The following ALCAM variants were observed in gnomAD, a reference collection of about 807,000 sequenced individuals.
ALCAM encodes activated leukocyte cell adhesion molecule, also known as CD166 antigen.
In ALCAM, 30 loss-of-function variants were observed where a neutral mutation model predicts 70.9. The ratio of observed to expected loss-of-function variants is 0.42; its 90% confidence interval spans 0.32 to 0.57. The LOEUF (loss-of-function observed/expected upper bound fraction) is 0.57, where lower values mean the gene tolerates loss of function less well. Ranked by LOEUF, ALCAM falls within the 20% of genes least tolerant of loss-of-function variation. The pLI, the probability that ALCAM is intolerant of heterozygous loss-of-function variation, is 0.11. For synonymous variants in ALCAM, 249 were observed against 242.5 expected, an observed-to-expected ratio of 1.03 and a Z score of -0.25; for missense variants, 591 against 695.1, an observed-to-expected ratio of 0.85 and a Z score of 1.68.
At chr3:105,521,379 A>G (rs1939540816) in intron 2 of ALCAM, among the ~76,000 whole-genome samples, 1 of 151,930 alleles carries the variant, frequency 6.6e-6, no homozygotes, top group South Asian at 2.1e-4. Flanking sequence ...AAATGCATTA[A>G]GAATTGTCTG....
rs188017918 is a variant in ALCAM, at chr3:105,404,253, G to A, written c.73+36772G>A. Among the ~76,000 whole-genome samples the A allele has an allele frequency of 3.3e-5, 5 of 152,112 alleles. No homozygotes were observed. The East Asian group carries it at 5.8e-4, about 18-fold the overall frequency. ...AGCTCAAAGAACACCTGGGAAATTC[G>A]TTGCAAAAAGATCATTGACTAGGCA... On this transcript the variant is annotated intron_variant, in intron 1 of 15. Transcript: ENST00000306107.
intron 1 of ALCAM, among the ~76,000 whole-genome samples, chr3:105,504,569 G>GC (rs913449961): frequency 5.5e-5 from 8 of 144,406 alleles, no homozygotes; most frequent in African/African-American, 2.0e-4. Context: ...GTTTCTGCAA[G>GC]CCCACGGCCT....
At position 105,540,195 on chromosome 3, in the gene ALCAM, T is replaced by G. The variant is rs962270653; in HGVS notation, c.858+93T>G. 6.6e-4 allele frequency: 866 copies of G among 1,316,182 alleles called. 13 individuals are homozygous for G. Among genetic ancestry groups the G allele is most frequent in the Non-Finnish European group, 6.8e-5 (66 of 974,306 alleles). The allele number at this position is 1,316,182 out of a possible 1,614,324, so 81.5% of individuals were successfully genotyped here. A position where few individuals can be genotyped will look rare whatever the true frequency, so the allele number is the denominator to read the frequency against. Reference sequence around the variant, plus strand: ...TAGATTAAGTGAGAAAAAATGTTATTGCTGGAGACAAGAGACGCCACCTAT... The same window carrying G: ...TAGATTAAGTGAGAAAAAATGTTATGGCTGGAGACAAGAGACGCCACCTAT... On this transcript the variant is annotated intron_variant, in intron 7 of 15. Coordinates refer to ENST00000306107, the MANE Select transcript of ALCAM (RefSeq NM_001627.4).
chr3:105,494,737 A>T (rs1260875965), intron 1 of ALCAM, among the ~76,000 whole-genome samples: 2 of 151,222 alleles, frequency 1.3e-5, no homozygotes, highest in Non-Finnish European at 2.9e-5. Flanking sequence ...ATAGCCTACG[A>T]CAGCTTTGAA....
intron 4 of ALCAM, 35 bp from the exon 5 acceptor site, chr3:105,533,568 A>G: frequency 6.3e-7 from 1 of 1,581,180 alleles, no homozygotes; most frequent in Non-Finnish European, 8.7e-7. Flanking sequence ...CCCCTGATTG[A>G]ACCAAGGTAA....
At chr3:105,371,864 AAACT>A (rs1935244333) in intron 1 of ALCAM, among the ~76,000 whole-genome samples, 1 of 152,152 alleles carries the variant, frequency 6.6e-6, no homozygotes, top group African/African-American at 2.4e-5. Context: ...GTATACATAG[AAACT>A]TAAATGCAAT....
At chr3:105,511,024 A>G (rs1219310168) in intron 1 of ALCAM, among the ~76,000 whole-genome samples, 1 of 152,030 alleles carries the variant, frequency 6.6e-6, no homozygotes, top group Non-Finnish European at 1.5e-5. Context: ...ACAGCTTCCT[A>G]TATTTCTCAT....
intron 1 of ALCAM, among the ~76,000 whole-genome samples, chr3:105,431,703 G>A (rs747643587): frequency 8.6e-5 from 13 of 151,996 alleles, no homozygotes; most frequent in Non-Finnish European, 1.8e-4. Context: ...ACTATACAAA[G>A]GAACGAGTCT....
chr3:105,471,730 A>C (rs1387492206), intron 1 of ALCAM, among the ~76,000 whole-genome samples: 1 of 151,294 alleles, frequency 6.6e-6, no homozygotes, highest in Non-Finnish European at 1.5e-5. Flanking sequence ...GTATATATGC[A>C]TTGTGAAATG....
chr3:105,544,133 T>A (rs1484005366), intron 8 of ALCAM, among the ~76,000 whole-genome samples: 1 of 151,590 alleles, frequency 6.6e-6, no homozygotes, highest in East Asian at 1.9e-4. Context: ...AAGACACAAC[T>A]CCTAGTGTGG....
rs1251834022 is a variant in ALCAM, at chr3:105,576,002, T to C, written c.*1551T>C. On this transcript the variant is annotated 3_prime_UTR_variant, in exon 16 of 16. Transcript: ENST00000306107. ...ATTTAGAAACATACGTTATTGTACA[T>C]TTGTAAACCATTTACTGTCTGGGCA... The C allele has an allele frequency of 5.9e-5, 9 of 152,210 alleles. No individual in the cohort carries two copies. The highest frequency in any genetic ancestry group is 1.3e-4 in the Admixed American group (2 of 15,268). 9.4% of individuals were successfully genotyped at this position (152,210 alleles called of 1,614,324 possible).
At chr3:105,495,017 G>A (rs73189046) in intron 1 of ALCAM, among the ~76,000 whole-genome samples, 11,531 of 151,892 alleles carry the variant, frequency 0.076, 610 homozygotes, top group Non-Finnish European at 0.12. Flanking sequence ...TATTCTTATC[G>A]CAACTCCCAG....
chr3:105,534,935 C>G (rs1168539961), intron 6 of ALCAM, 90 bp downstream of exon 6: 4 of 1,264,702 alleles, frequency 3.2e-6, no homozygotes, highest in Non-Finnish European at 4.3e-6. Context: ...TCCAATTACT[C>G]TTTGAATTCT....
chr3:105,477,048 T>A (rs1180278298), intron 1 of ALCAM, among the ~76,000 whole-genome samples: 1 of 152,050 alleles, frequency 6.6e-6, no homozygotes, highest in Non-Finnish European at 1.5e-5. Context: ...AAGAAGTGCC[T>A]TTTGCCTCCC....
chr3:105,428,468 T>A (rs1190271455), intron 1 of ALCAM, among the ~76,000 whole-genome samples: 1 of 151,902 alleles, frequency 6.6e-6, no homozygotes, highest in Non-Finnish European at 1.5e-5. Context: ...CCGTATTTTT[T>A]AAATATATAA....
intron 1 of ALCAM, among the ~76,000 whole-genome samples, chr3:105,426,492 T>TTTATAATG (rs1399970979): frequency 6.6e-6 from 1 of 151,944 alleles, no homozygotes; most frequent in Non-Finnish European, 1.5e-5. Context: ...TTATAGTTTC[T>TTTATAATG]TTATGATGAG....
chr3:105,411,997 G>A (rs963317349), intron 1 of ALCAM, among the ~76,000 whole-genome samples: 1 of 151,996 alleles, frequency 6.6e-6, no homozygotes, highest in African/African-American at 2.4e-5. Context: ...ATCTCATACT[G>A]ATAAGGGCAT....
intron 1 of ALCAM, among the ~76,000 whole-genome samples, chr3:105,464,328 A>G (rs1275276760): frequency 1.3e-5 from 2 of 151,090 alleles, no homozygotes; most frequent in East Asian, 1.9e-4. Context: ...TAAAATTTCT[A>G]TATACAAAGA....
intron 1 of ALCAM, among the ~76,000 whole-genome samples, chr3:105,454,696 G>A (rs1412499655): frequency 2.0e-5 from 2 of 98,544 alleles, no homozygotes; most frequent in East Asian, 6.2e-4. Flanking sequence ...TTGAGATGGA[G>A]TCTCGCTCTG....
Sources: allele counts gnomAD v4.1 joint callset (sites outside exome capture counted in the v4.1 genomes callset), GRCh38; gene constraint gnomAD v4.1.1; transcripts MANE v1.5; gene names NCBI Gene and HGNC (gene_info 2026-07-23, HGNC 2026-07-21).